SUPT3H: variants seen among roughly 807,000 people sequenced by gnomAD.
SUPT3H encodes transcription initiation protein SPT3 homolog.
Under a neutral mutation model 44.3 loss-of-function variants are expected in SUPT3H, and 44 were observed. The observed-to-expected ratio is 0.99, with a 90% CI of 0.78 to 1.28. The LOEUF (loss-of-function observed/expected upper bound fraction) is 1.28. Among genes scored for constraint, SUPT3H ranks in the 50% most tolerant of loss-of-function variants. SUPT3H has a pLI of 0.00. For missense variants in SUPT3H, 380 were observed against 387.1 expected (o/e 0.98, Z 0.15); for synonymous variants, 124 against 125.6 (o/e 0.99, Z 0.09).
At chr6:45,174,687 A>G (rs1413770084) in intron 2 of SUPT3H, among the ~76,000 whole-genome samples, 1 of 152,210 alleles carries the variant, frequency 6.6e-6, no homozygotes, top group African/African-American at 2.4e-5. Flanking sequence ...TTTTAGAGCA[A>G]CATCTATAAA....
chr6:45,127,198 T>C (rs904572396), intron 2 of SUPT3H, among the ~76,000 whole-genome samples: 7 of 152,132 alleles, frequency 4.6e-5, no homozygotes, highest in South Asian at 4.1e-4. Context: ...TCTGTAATCC[T>C]AGCTACTCAG....
intron 10 of SUPT3H, among the ~76,000 whole-genome samples, chr6:44,907,043 C>A (rs2153451230): frequency 6.6e-6 from 1 of 152,240 alleles, no homozygotes; most frequent in Non-Finnish European, 1.5e-5. Flanking sequence ...GATTAAGATA[C>A]AATTCTTTTA....
At chr6:45,340,293 T>G (rs1789482233) in intron 2 of SUPT3H, among the ~76,000 whole-genome samples, 2 of 152,122 alleles carry the variant, frequency 1.3e-5, no homozygotes, top group Admixed American at 1.3e-4. Flanking sequence ...AATAAAAGTA[T>G]ATCAAGGAAT....
chr6:45,036,447 T>C (rs1180288705), intron 3 of SUPT3H, among the ~76,000 whole-genome samples: 1 of 152,054 alleles, frequency 6.6e-6, no homozygotes, highest in Non-Finnish European at 1.5e-5. Context: ...GGACATGTCA[T>C]GTAAAAGATT....
intron 2 of SUPT3H, among the ~76,000 whole-genome samples, chr6:45,225,721 C>T (rs1347379321): frequency 6.6e-6 from 1 of 152,130 alleles, no homozygotes; most frequent in Non-Finnish European, 1.5e-5. Context: ...TTAACAGAGT[C>T]TGCTGTAGAA....
chr6:44,978,563 T>C (rs1778656381), intron 6 of SUPT3H, among the ~76,000 whole-genome samples: 1 of 152,152 alleles, frequency 6.6e-6, no homozygotes, highest in Admixed American at 6.6e-5. Flanking sequence ...AAGAGATAGA[T>C]TTGCTAAACA....
intron 10 of SUPT3H, among the ~76,000 whole-genome samples, chr6:44,916,801 G>A (rs3857587): frequency 0.87 from 132,812 of 152,098 alleles, 58,638 homozygotes; most frequent in East Asian, 1. Flanking sequence ...GCACAGTGCT[G>A]GAAGCTTTGA....
intron 5 of SUPT3H, 37 bp from the exon 6 acceptor site, chr6:45,003,829 C>G: frequency 6.2e-7 from 1 of 1,610,544 alleles, no homozygotes; most frequent in East Asian, 2.2e-5. Context: ...AAGAAATGTT[C>G]TCAATAGGTT....
chr6:45,256,924 T>G (rs1773507939), intron 2 of SUPT3H, among the ~76,000 whole-genome samples: 1 of 152,144 alleles, frequency 6.6e-6, no homozygotes, highest in African/African-American at 2.4e-5. Context: ...TGTGCTGACA[T>G]ATGTCTTCAG....
chr6:45,287,470 T>C (rs1467017615), intron 2 of SUPT3H, among the ~76,000 whole-genome samples: 10 of 152,108 alleles, frequency 6.6e-5, no homozygotes, highest in African/African-American at 1.9e-4. Flanking sequence ...GGATGAACCA[T>C]GAAGGTTGTT....
In SUPT3H at chr6:44,842,998, T is replaced by C. The variant is rs114063658; in HGVS notation, c.913-13141A>G. 5.5e-3 allele frequency among the ~76,000 whole-genome samples: 843 copies of C among 152,124 alleles called. 8 individuals are homozygous for C. Among genetic ancestry groups the C allele is most frequent in the African/African-American group, 0.019 (792 of 41,506 alleles). ...TGGGCACATTGTGGCTACCCAAATG[T>C]CCATCCACTGAAGGGAGACTGGATA... On this transcript the variant is annotated intron_variant, in intron 10 of 10. Transcript: ENST00000371459.
At chr6:45,344,062 G>A (rs1197015647) in intron 2 of SUPT3H, among the ~76,000 whole-genome samples, 6 of 152,040 alleles carry the variant, frequency 3.9e-5, no homozygotes, top group Non-Finnish European at 8.8e-5. Flanking sequence ...TGAGACAATT[G>A]TATATATGAA....
chr6:44,899,398 T>G (rs1451000305), intron 10 of SUPT3H: 1 of 152,148 alleles, frequency 6.6e-6, no homozygotes, highest in African/African-American at 2.4e-5. Context: ...CCTATAAAAG[T>G]TATAATGTGG....
intron 2 of SUPT3H, chr6:45,322,820 T>C: frequency 7.1e-7 from 1 of 1,417,110 alleles, no homozygotes; most frequent in Non-Finnish European, 1.0e-6. Context: ...AAGATGCACT[T>C]TCTCCAACCA....
At chr6:45,238,821 C>A (rs1769715600) in intron 2 of SUPT3H, among the ~76,000 whole-genome samples, 1 of 152,180 alleles carries the variant, frequency 6.6e-6, no homozygotes, top group Non-Finnish European at 1.5e-5. Flanking sequence ...ACAAATACAG[C>A]AAGCTTTTAT....
chr6:44,932,253 C>T (rs1033872979), intron 10 of SUPT3H, among the ~76,000 whole-genome samples: 4 of 152,118 alleles, frequency 2.6e-5, no homozygotes, highest in Non-Finnish European at 4.4e-5. Flanking sequence ...TCTTCTTCTT[C>T]CAACTAAAAG....
intron 2 of SUPT3H, among the ~76,000 whole-genome samples, chr6:45,175,670 C>G (rs990397208): frequency 6.6e-6 from 1 of 151,780 alleles, no homozygotes; most frequent in African/African-American, 2.4e-5. Context: ...TACATGAATA[C>G]GATACCATGG....
intron 2 of SUPT3H, among the ~76,000 whole-genome samples, chr6:45,312,603 C>T (rs2149995532): frequency 7.0e-6 from 1 of 143,266 alleles, no homozygotes; most frequent in South Asian, 2.2e-4. Context: ...AACATATATG[C>T]ACCTAATACT....
At chr6:45,284,855 C>G (rs1384249532) in intron 2 of SUPT3H, among the ~76,000 whole-genome samples, 1 of 152,152 alleles carries the variant, frequency 6.6e-6, no homozygotes, top group African/African-American at 2.4e-5. Flanking sequence ...AAAATACTGG[C>G]AAACCGAATT....
Sources: gnomAD v4.1 joint callset for allele counts (sites outside exome capture counted in the v4.1 genomes callset) on GRCh38, gnomAD v4.1.1 for gene constraint, MANE v1.5 for transcripts, NCBI Gene and HGNC (gene_info 2026-07-23, HGNC 2026-07-21) for gene names.